The following AHDC1 variants were observed in gnomAD, a reference collection of about 807,000 sequenced individuals.
AHDC1 encodes the protein AT-hook DNA binding motif containing 1.
Under a neutral mutation model 87.9 loss-of-function variants are expected in AHDC1, and 7 were observed. The observed-to-expected ratio is 0.08, with a 90% CI of 0.05 to 0.15. AHDC1 has a LOEUF of 0.15. Among genes scored for constraint, AHDC1 ranks in the 10% least tolerant of loss-of-function variants. The pLI is 1.00. For missense variants in AHDC1, 1,841 were observed against 2,253.2 expected (o/e 0.82, Z 3.70); for synonymous variants, 1,051 against 1,006.8 (o/e 1.04, Z -0.83).
intron 3 of AHDC1, among the ~76,000 whole-genome samples, chr1:27,587,900 G>GA (rs2089109092): frequency 6.6e-6 from 1 of 152,072 alleles, no homozygotes; most frequent in African/African-American, 2.4e-5. Flanking sequence ...AACCCTAATT[G>GA]AATCTCCTCT....
chr1:27,582,304 C>A (rs1206050366), intron 3 of AHDC1, among the ~76,000 whole-genome samples: 4 of 152,228 alleles, frequency 2.6e-5, no homozygotes, highest in Non-Finnish European at 4.4e-5. Flanking sequence ...GCCACACTGT[C>A]CTTATCTATA....
rs1205875405 is a variant in AHDC1 at position 27,590,371 on chromosome 1, C to A, written c.-629+13026G>T. Among the ~76,000 whole-genome samples, 1 of 152,182 alleles carries A rather than the reference C, an allele frequency of 6.6e-6. No homozygotes were observed. The highest frequency in any genetic ancestry group is 1.5e-5 in the Non-Finnish European group (1 of 68,012). On this transcript the variant is annotated intron_variant, in intron 3 of 8. Coordinates refer to ENST00000673934, the MANE Select transcript of AHDC1 (RefSeq NM_001371928.1). The surrounding 1 kb of genome is among the most constrained non-coding windows in gnomAD (Gnocchi z 5.4). ...CAGACCCTTCCAGGCCCACACCTCC[C>A]AACCAAAGATGGCTTCCCAGCACCC...
In AHDC1 at chr1:27,592,261, C is replaced by A. The variant is rs1027299243; in HGVS notation, c.-629+11136G>T. Among the ~76,000 whole-genome samples the A allele has an allele frequency of 3.6e-4, 55 of 152,190 alleles. 1 individual carries two copies. Among genetic ancestry groups the A allele is most frequent in the Non-Finnish European group, 1.5e-5 (1 of 68,020 alleles). On this transcript the variant is annotated intron_variant, in intron 3 of 8. Coordinates refer to ENST00000673934, the MANE Select transcript of AHDC1 (RefSeq NM_001371928.1). ...GACAGCATCCTCGCCAACCACACCC[C>A]CTGCCTGTCATCCACAGAGCCCGTC...
intron 3 of AHDC1, among the ~76,000 whole-genome samples, chr1:27,570,299 G>A (rs2020511104): frequency 6.6e-6 from 1 of 151,974 alleles, no homozygotes; most frequent in Non-Finnish European, 1.5e-5. Context: ...CCTTGAGCTG[G>A]CAGCTTCCCA....
chr1:27,585,434 C>T (rs1002077405), intron 3 of AHDC1, among the ~76,000 whole-genome samples: 11 of 151,922 alleles, frequency 7.2e-5, no homozygotes, highest in African/African-American at 2.7e-4. Context: ...AAAAGGGCTG[C>T]AATAATAATT....
rs746453956 is a variant in AHDC1 at position 27,549,721 on chromosome 1, G to A, written c.2395C>T (p.Arg799Trp). 15 of 1,612,726 alleles carry A rather than the reference G, an allele frequency of 9.3e-6. No individual in the cohort carries two copies. The highest frequency in any genetic ancestry group is 8.9e-5 in the East Asian group (4 of 44,860). The change falls in exon 8 of 9, where the codon CGG (arginine) becomes TGG (tryptophan). Residue 799 changes from arginine to tryptophan, a missense_variant. By Grantham distance (101) the Arg-to-Trp change is moderately radical. Around this residue, in one of 13 missense-constraint regions of AHDC1, gnomAD observed 236 missense variants for 257.9 expected, o/e 0.92. Transcript: ENST00000673934. Reference protein sequence around the residue: ...RNCGFQGTEARAFASTGLESG... With the variant: ...RNCGFQGTEAWAFASTGLESG... Reference sequence around the variant, plus strand: ...TCCAGCCCAGTGGAGGCAAAGGCCCGGGCCTCGGTCCCCTGAAACCCACAG... The same window carrying A: ...TCCAGCCCAGTGGAGGCAAAGGCCCAGGCCTCGGTCCCCTGAAACCCACAG...
At chr1:27,554,121 G>A (rs114813375) in intron 5 of AHDC1, among the ~76,000 whole-genome samples, 5,102 of 152,224 alleles carry the variant, frequency 0.034, 116 homozygotes, top group Non-Finnish European at 0.052. Flanking sequence ...CACAAATGAG[G>A]TACGCAAAGC....
At chr1:27,552,250 A>G in intron 7 of AHDC1, 61 bp from the exon 8 acceptor site, 11 of 1,359,974 alleles carry the variant, frequency 8.1e-6, no homozygotes, top group South Asian at 4.0e-5. Context: ...TCAGCTTCCC[A>G]TATCCTTGAT....
At chr1:27,596,450 G>T (rs1266450167) in intron 3 of AHDC1, among the ~76,000 whole-genome samples, 1 of 152,072 alleles carries the variant, frequency 6.6e-6, no homozygotes, top group Non-Finnish European at 1.5e-5. Flanking sequence ...GGAGGACAGG[G>T]GCGGGTATGT....
chr1:27,551,289 A>T lies in AHDC1; in HGVS notation c.827T>A (p.Leu276Gln), dbSNP rs2019543265. 2 of 1,611,118 alleles carry T rather than the reference A, an allele frequency of 1.2e-6. No homozygotes were observed. The highest frequency in any genetic ancestry group is 2.2e-5 in the South Asian group (2 of 91,010). ...GTCCAGGAAGCGGGGCTGGGGGTCC[A>T]GGAGCTGAGGCTCCGGCTCGGGCGA... ...PPSPEPEPQL[L>Q]DPQPRFLDPQ... is the part of the protein sequence containing the mutation. The change falls in exon 8 of 9, where the codon CTG becomes CAG. Residue 276 changes from leucine to glutamine, a missense_variant. By Grantham distance (113) the Leu-to-Gln change is moderately radical (BLOSUM62 -2). Transcript: ENST00000673934.
intron 3 of AHDC1, among the ~76,000 whole-genome samples, chr1:27,602,993 C>CA (rs970148515): frequency 7.1e-6 from 1 of 141,712 alleles, no homozygotes; most frequent in Non-Finnish European, 1.6e-5. Flanking sequence ...CATTCCCCCC[C>CA]CCCCCACATT....
chr1:27,564,710 G>A (rs1297007229), intron 3 of AHDC1, among the ~76,000 whole-genome samples: 2 of 152,094 alleles, frequency 1.3e-5, no homozygotes, highest in Non-Finnish European at 2.9e-5. Flanking sequence ...CCTGCCGCCC[G>A]ATGAAGACCA....
At chr1:27,588,089 C>T (rs1460035365) in intron 3 of AHDC1, among the ~76,000 whole-genome samples, 2 of 152,230 alleles carry the variant, frequency 1.3e-5, no homozygotes, top group Non-Finnish European at 2.9e-5. Flanking sequence ...ATCTGCACGC[C>T]GTGACATCTG....
chr1:27,565,682 C>T lies in AHDC1; in HGVS notation c.-628-6799G>A, dbSNP rs1373073590. Among the ~76,000 whole-genome samples the T allele has an allele frequency of 6.6e-6, 1 of 152,160 alleles. No individual in the cohort carries two copies. Among genetic ancestry groups the T allele is most frequent in the Non-Finnish European group, 1.5e-5 (1 of 68,034 alleles). On this transcript the variant is annotated intron_variant, in intron 3 of 8. Coordinates refer to ENST00000673934, the MANE Select transcript of AHDC1 (RefSeq NM_001371928.1). This position sits in a 1 kb window ranked among gnomAD's most constrained non-coding sequence, Gnocchi z 4.6. ...TCAGACATGAAGCAAGGATAGTATC[C>T]CTATACCATCTGGGGAAACTGAGGC...
intron 3 of AHDC1, among the ~76,000 whole-genome samples, chr1:27,572,365 T>C (rs978319041): frequency 6.6e-6 from 1 of 151,928 alleles, no homozygotes; most frequent in Non-Finnish European, 1.5e-5. Context: ...TGTACAAAGA[T>C]AGAAGGGAAG....
chr1:27,549,450 G>A lies in AHDC1; in HGVS notation c.2666C>T (p.Pro889Leu). 1.2e-6 allele frequency: 2 copies of A among 1,612,890 alleles called. No individual in the cohort carries two copies. The highest frequency in any genetic ancestry group is 1.3e-5 in the African/African-American group (1 of 75,046). ...TGGGCTGGCCTTGGCTCCCCGGCTAGGGAAGGTGGCCAGGCCCCGCTGGGC... is the reference window on the plus strand; with the variant it reads ...TGGGCTGGCCTTGGCTCCCCGGCTAAGGAAGGTGGCCAGGCCCCGCTGGGC... ...LPAQRGLATF[P>L]SRGAKASPVA... Residue 889 changes from proline to leucine, a missense_variant, in exon 8 of 9, where the codon CCT becomes CTT. Transcript: ENST00000673934.
chr1:27,596,177 G>A (rs1340426592), intron 3 of AHDC1, among the ~76,000 whole-genome samples: 1 of 152,044 alleles, frequency 6.6e-6, no homozygotes, highest in Non-Finnish European at 1.5e-5. Flanking sequence ...GTGCCTGTGC[G>A]GGGGTGTTGA....
intron 5 of AHDC1, among the ~76,000 whole-genome samples, chr1:27,557,834 C>A (rs1303264758): frequency 6.6e-6 from 1 of 152,182 alleles, no homozygotes; most frequent in African/African-American, 2.4e-5. Flanking sequence ...AGCCCTTGAA[C>A]GCTCCCCAGC....
chr1:27,577,786 C>T (rs1225137617), intron 3 of AHDC1, among the ~76,000 whole-genome samples: 2 of 152,284 alleles, frequency 1.3e-5, no homozygotes, highest in Admixed American at 1.3e-4. Context: ...CCTGACCTGC[C>T]AGGCCAGACA....
Sources: gnomAD v4.1 joint callset for allele counts (sites outside exome capture counted in the v4.1 genomes callset) on GRCh38, gnomAD v4.1.1 for gene constraint, gnomAD v4.1.1 regional missense constraint, Gnocchi (gnomAD v3.1) non-coding constraint, MANE v1.5 for transcripts, NCBI Gene and HGNC (gene_info 2026-07-23, HGNC 2026-07-21) for gene names.